The following MZT1 variants were observed in gnomAD, a reference collection of about 807,000 sequenced individuals.
MZT1 encodes the protein mitotic spindle organizing protein 1, also known as mitotic-spindle organizing protein 1.
MZT1 carries 8 observed loss-of-function variants against 8.5 expected under a neutral mutation model. The ratio of observed to expected loss-of-function variants is 0.94; its 90% CI spans 0.55 to 1.70. The LOEUF (loss-of-function observed/expected upper bound fraction) is 1.70, where lower values mean the gene tolerates loss of function less well. Among genes scored for constraint, MZT1 ranks in the 40% most tolerant of loss-of-function variants. The pLI is 0.00. For missense variants in MZT1, 93 were observed against 108.6 expected (o/e 0.86, Z 0.64); for synonymous variants, 38 against 42.0 (o/e 0.90, Z 0.37).
chr13:72,719,643 A>G (rs1243440351), intron 1 of MZT1, among the ~76,000 whole-genome samples: 1 of 152,202 alleles, frequency 6.6e-6, no homozygotes, highest in East Asian at 1.9e-4. Context: ...ACAATAGTCA[A>G]AAAAAGGTAA....
At chr13:72,720,626 C>A (rs750988499) in intron 1 of MZT1, among the ~76,000 whole-genome samples, 3 of 152,306 alleles carry the variant, frequency 2.0e-5, no homozygotes, top group Non-Finnish European at 4.4e-5. Flanking sequence ...CAGTGGCTCA[C>A]GCCTGTAATC....
chr13:72,727,481 C>T (rs2032686999), intron 1 of MZT1, 43 bp downstream of exon 1: 2 of 1,598,630 alleles, frequency 1.3e-6, no homozygotes, highest in Non-Finnish European at 1.7e-6. Flanking sequence ...GGCCTTGGCT[C>T]TGGGAAGGCA....
At chr13:72,714,735 A>C (rs1411884486) in intron 2 of MZT1, among the ~76,000 whole-genome samples, 3 of 152,248 alleles carry the variant, frequency 2.0e-5, no homozygotes, top group Non-Finnish European at 4.4e-5. Context: ...CCAAGACATA[A>C]GCCTTGGTGA....
chr13:72,717,678 G>T (rs1437454099), intron 2 of MZT1, among the ~76,000 whole-genome samples: 1 of 152,080 alleles, frequency 6.6e-6, no homozygotes, highest in East Asian at 1.9e-4. Flanking sequence ...CTTTCTTTTA[G>T]TGTCCAATAA....
At chr13:72,712,331 T>C (rs1566211740) in intron 2 of MZT1, among the ~76,000 whole-genome samples, 1 of 152,120 alleles carries the variant, frequency 6.6e-6, no homozygotes, top group African/African-American at 2.4e-5. Flanking sequence ...AAAATAAATA[T>C]TTTGTAGAGA....
chr13:72,710,452 T>C (rs1406730914), intron 2 of MZT1, 107 bp from the exon 3 acceptor site: 5 of 1,017,106 alleles, frequency 4.9e-6, no homozygotes, highest in Non-Finnish European at 1.5e-6. Context: ...CTATTCCCCA[T>C]AAAACAGAAC....
chr13:72,726,965 C>A (rs1175544804), intron 1 of MZT1, among the ~76,000 whole-genome samples: 1 of 152,202 alleles, frequency 6.6e-6, no homozygotes, highest in Non-Finnish European at 1.5e-5. Context: ...TGGTGTCACC[C>A]GCTTCAAGAG....
At chr13:72,723,852 TAAATAAAG>T (rs57052266) in intron 1 of MZT1, among the ~76,000 whole-genome samples, 133,853 of 151,790 alleles carry the variant, frequency 0.88, 61,049 homozygotes, top group Non-Finnish European at 0.99. Context: ...ATAAGTAAAA[TAAATAAAG>T]AGTGGAATAC....
intron 1 of MZT1, among the ~76,000 whole-genome samples, chr13:72,727,023 T>G (rs2032672949): frequency 6.6e-6 from 1 of 152,184 alleles, no homozygotes; most frequent in Non-Finnish European, 1.5e-5. Flanking sequence ...ATTCGCCGGA[T>G]ATTAAAGGTG....
chr13:72,727,429 T>C (rs1425392775), intron 1 of MZT1, 95 bp downstream of exon 1: 1 of 1,250,544 alleles, frequency 8.0e-7, no homozygotes, highest in African/African-American at 1.5e-5. Flanking sequence ...TTTGGGGCAC[T>C]AAGGGGACCT....
At chr13:72,714,598 T>C (rs2032517222) in intron 2 of MZT1, among the ~76,000 whole-genome samples, 2 of 152,232 alleles carry the variant, frequency 1.3e-5, no homozygotes, top group Admixed American at 1.3e-4. Flanking sequence ...AATGGTTTTA[T>C]GGGCCAGGCT....
intron 2 of MZT1, among the ~76,000 whole-genome samples, chr13:72,714,632 C>T (rs2032517762): frequency 6.6e-6 from 1 of 152,218 alleles, no homozygotes; most frequent in African/African-American, 2.4e-5. Context: ...CCCTCCACAG[C>T]CTTGGGACAT....
intron 2 of MZT1, among the ~76,000 whole-genome samples, chr13:72,711,024 A>G (rs953793450): frequency 2.0e-5 from 3 of 152,106 alleles, no homozygotes; most frequent in Admixed American, 6.6e-5. Flanking sequence ...TATAAGACCT[A>G]CCTACACAGG....
At chr13:72,720,603 T>C (rs1338655706) in intron 1 of MZT1, among the ~76,000 whole-genome samples, 1 of 152,268 alleles carries the variant, frequency 6.6e-6, no homozygotes, top group East Asian at 1.9e-4. Flanking sequence ...AGAAGTTCAA[T>C]TTGAGCCGGG....
intron 2 of MZT1, among the ~76,000 whole-genome samples, chr13:72,716,678 A>C (rs1159783177): frequency 6.6e-6 from 1 of 152,240 alleles, no homozygotes; most frequent in African/African-American, 2.4e-5. Flanking sequence ...TTAAAGTTTC[A>C]GTATTCAAAG....
chr13:72,724,739 T>TATATATATATATACACAC (rs1555270942), intron 1 of MZT1, among the ~76,000 whole-genome samples: 2 of 41,376 alleles, frequency 4.8e-5, no homozygotes, highest in African/African-American at 1.1e-4. Context: ...TATATATATA[T>TATATATATATATACACAC]ACACATATAT....
At chr13:72,717,337 C>CT (rs1172063809) in intron 2 of MZT1, among the ~76,000 whole-genome samples, 2,897 of 110,960 alleles carry the variant, frequency 0.026, 110 homozygotes, top group African/African-American at 0.082. Flanking sequence ...CTGTCACTTT[C>CT]TTTTTTTTTT....
rs1247726284 is a variant in MZT1, at chr13:72,727,569, C to CCGCGGCCG, written c.33_34insCGGCCGCG (p.Ala12ArgfsTer10). The CCGCGGCCG allele has an allele frequency of 3.8e-6, 6 of 1,595,870 alleles. No individual in the cohort carries two copies. Among genetic ancestry groups the CCGCGGCCG allele is most frequent in the Non-Finnish European group, 4.3e-6 (5 of 1,168,012 alleles). ...GCATTCAGATTCGCCGCCGCGGCCG[C>CCGCGGCCG]CGCCGCCGCCCCAGCACCGCTGCTA... On this transcript the variant is annotated frameshift_variant, in exon 1 of 3. Transcript: ENST00000377818. LOFTEE classifies it high-confidence loss of function.
rs1030876736 is a variant in MZT1 at position 72,709,603 on chromosome 13, A to G, written c.*719T>C. 3.3e-5 allele frequency: 5 copies of G among 152,092 alleles called. No homozygotes were observed. Among genetic ancestry groups the G allele is most frequent in the Non-Finnish European group, 5.9e-5 (4 of 67,928 alleles). 9.4% of individuals were successfully genotyped at this position (152,092 alleles called of 1,614,324 possible). On this transcript the variant is annotated 3_prime_UTR_variant, in exon 3 of 3. Transcript: ENST00000377818. ...ATTAGATGTAAATGATTCAAATTAC[A>G]AATAATACTAACCTAAGCATTGTCA...
Sources: allele counts gnomAD v4.1 joint callset (sites outside exome capture counted in the v4.1 genomes callset), GRCh38; gene constraint gnomAD v4.1.1; transcripts MANE v1.5; gene names NCBI Gene and HGNC (gene_info 2026-07-23, HGNC 2026-07-21).